Variants in EMG1 observed in about 807,000 individuals in gnomAD.
The protein encoded by EMG1 is ribosomal RNA small subunit methyltransferase NEP1.
In EMG1, 24 loss-of-function variants were observed where a neutral mutation model predicts 26.9. The observed-to-expected ratio is 0.89, with a 90% confidence interval of 0.65 to 1.26. The LOEUF is 1.26. Among genes scored for constraint, EMG1 ranks in the 50% most tolerant of loss-of-function variants. The pLI is 0.00. For synonymous variants in EMG1, 140 were observed against 112.6 expected (o/e 1.24, Z -1.54); for missense variants, 299 against 307.6 (o/e 0.97, Z 0.21).
At chr12:6,997,379 ATGTGTG>A (rs201579525) in exon 8 of EMG1, 2,321 of 114,100 alleles carry the variant, frequency 0.02, 57 homozygotes, top group African/African-American at 0.061. Flanking sequence ...ACAGCAAATT[ATGTGTG>A]TGTGTGTGTG....
chr12:6,977,562 C>T lies in EMG1; in HGVS notation c.*1753C>T, dbSNP rs200123453. On this transcript the variant is annotated 3_prime_UTR_variant, in exon 6 of 6. Transcript: ENST00000599672. The surrounding 1 kb of genome is among the most constrained non-coding windows in gnomAD (Gnocchi z 4.5). The stretch of plus-strand genomic sequence containing the variant: ...GGAGGAGCTCATCAGCATCTTGTCC[C>T]TTATATTCCCCTTCACCCCCACCCT... The T allele has an allele frequency of 6.8e-6, 11 of 1,614,022 alleles. No homozygotes were observed. Among genetic ancestry groups the T allele is most frequent in the Non-Finnish European group, 9.3e-6 (11 of 1,180,018 alleles).
downstream of EMG1, chr12:6,981,678 T>A: frequency 6.4e-7 from 1 of 1,553,000 alleles, no homozygotes; most frequent in Admixed American, 1.8e-5. Context: ...GAGAGGACAC[T>A]GAGGATGTGG....
downstream of EMG1, chr12:6,980,771 C>T (rs1410069363): frequency 5.5e-6 from 2 of 364,940 alleles, no homozygotes; most frequent in East Asian, 8.3e-5. Context: ...AGGCAAAATC[C>T]TGTGGCATAA....
chr12:6,983,639 G>T, downstream of EMG1: 3 of 688,634 alleles, frequency 4.4e-6, no homozygotes, highest in Non-Finnish European at 5.1e-6. Context: ...CAGAGGGAGA[G>T]AGAAAAAAAA....
At chr12:6,989,765 C>T (rs1347697957), downstream of EMG1, among the ~76,000 whole-genome samples, 2 of 152,200 alleles carry the variant, frequency 1.3e-5, no homozygotes, top group Non-Finnish European at 2.9e-5. Flanking sequence ...TCACAACGTG[C>T]ATTGTTAGCG....
downstream of EMG1, among the ~76,000 whole-genome samples, chr12:6,990,564 A>AATTG (rs879976969): frequency 8.5e-6 from 1 of 117,468 alleles, no homozygotes; most frequent in Non-Finnish European, 1.9e-5. Context: ...TAAATAAATA[A>AATTG]ATTGAGCACC....
chr12:6,983,687 A>G (rs1946494651), downstream of EMG1: 3 of 599,550 alleles, frequency 5.0e-6, no homozygotes, highest in Admixed American at 3.3e-5. Flanking sequence ...AGAGAAGGCA[A>G]TAACGGTATC....
intron 7 of EMG1, among the ~76,000 whole-genome samples, chr12:6,993,700 T>G (rs1275406788): frequency 6.6e-6 from 1 of 152,256 alleles, no homozygotes; most frequent in Non-Finnish European, 1.5e-5. Flanking sequence ...ATCCATGTTG[T>G]AGCATGTATC....
chr12:6,974,224 C>G (rs1946365543), intron 1 of EMG1, 115 bp from the exon 2 acceptor site: 2 of 765,274 alleles, frequency 2.6e-6, no homozygotes, highest in Admixed American at 4.1e-5. Context: ...GAGAATTTGC[C>G]TAACAAGTTT....
downstream of EMG1, chr12:6,980,897 C>G: frequency 8.6e-7 from 1 of 1,164,328 alleles, no homozygotes. Flanking sequence ...GCCTGCATGA[C>G]TCAGGTCTCT....
At position 6,974,607 on chromosome 12, in the gene EMG1, A is replaced by G. The variant is rs1946371423; in HGVS notation, c.326A>G (p.Tyr109Cys). The G allele has an allele frequency of 6.2e-7, 1 of 1,613,900 alleles. No homozygotes were observed. Among genetic ancestry groups the G allele is most frequent in the African/African-American group, 1.3e-5 (1 of 74,940 alleles). The part of the protein sequence containing the change: ...PLNRAGLLQV[Y>C]IHTQKNVLIE... ...AACCGAGCTGGCTTGCTACAGGTTT[A>G]TATCCATACACAGAAGAATGTTCTG... The change falls in exon 3 of 6, where the codon TAT (tyrosine) becomes TGT (cysteine). Residue 109 changes from tyrosine to cysteine, a missense_variant. Coordinates refer to ENST00000599672, the MANE Select transcript of EMG1 (RefSeq NM_006331.8).
intron 2 of EMG1, 21 bp from the exon 3 acceptor site, chr12:6,974,531 C>T: frequency 6.2e-7 from 1 of 1,612,174 alleles, no homozygotes; most frequent in Non-Finnish European, 8.5e-7. Flanking sequence ...TTAACCATGT[C>T]TCGGTTTCTG....
At chr12:6,982,795 A>G, downstream of EMG1, 1 of 1,581,044 alleles carries the variant, frequency 6.3e-7, no homozygotes, top group South Asian at 1.1e-5. Context: ...GGATGCAAGA[A>G]GAGAGAATTT....
At position 6,971,034 on chromosome 12, in the gene EMG1, G is replaced by A; in HGVS notation, c.111G>A (p.Lys37=). ...PKRPRLGAGN[K]IGGRRLIVVL... ...GGCCCCGACTAGGGGCAGGAAACAA[G>A]ATCGGAGGCCGTAGGCTTATTGTGG... Residue 37 remains lysine (K), a synonymous_variant, in exon 1 of 6, where the codon AAG becomes AAA. Transcript: ENST00000599672. 4 of 1,611,908 alleles carry A rather than the reference G, an allele frequency of 2.5e-6. No homozygotes were observed. The highest frequency in any genetic ancestry group is 2.2e-5 in the South Asian group (2 of 90,538).
intron 3 of EMG1, 171 bp downstream of exon 3, chr12:6,974,864 C>T (rs782233668): frequency 1.2e-6 from 1 of 853,214 alleles, no homozygotes; most frequent in Non-Finnish European, 1.9e-6. Context: ...AACTCCACTC[C>T]TGTTCTTGCA....
downstream of EMG1, chr12:6,981,278 G>A: frequency 9.7e-7 from 1 of 1,028,678 alleles, no homozygotes; most frequent in South Asian, 1.6e-5. Context: ...CACTGACTGG[G>A]GTTCTTCAAA....
At chr12:6,981,252 C>T (rs1946468640), downstream of EMG1, 1 of 1,294,558 alleles carries the variant, frequency 7.7e-7, no homozygotes, top group Non-Finnish European at 1.1e-6. Context: ...TTTGAGTGTT[C>T]CCCACCTGTG....
At chr12:6,991,464 T>C (rs901596548), downstream of EMG1, among the ~76,000 whole-genome samples, 8 of 152,236 alleles carry the variant, frequency 5.3e-5, no homozygotes, top group African/African-American at 1.9e-4. Context: ...ATCTTCTAAA[T>C]ACTGACATAT....
chr12:6,990,964 G>T (rs1191185135), downstream of EMG1, among the ~76,000 whole-genome samples: 3 of 136,868 alleles, frequency 2.2e-5, no homozygotes, highest in Non-Finnish European at 3.2e-5. Context: ...AAAAGTAAAA[G>T]ATATGATTAA....
Sources: allele counts gnomAD v4.1 joint callset (sites outside exome capture counted in the v4.1 genomes callset), GRCh38; gene constraint gnomAD v4.1.1; non-coding constraint Gnocchi (gnomAD v3.1); transcripts MANE v1.5; gene names NCBI Gene and HGNC (gene_info 2026-07-23, HGNC 2026-07-21).